HERC6: variants seen among roughly 807,000 people sequenced by gnomAD.
HERC6 encodes probable E3 ubiquitin-protein ligase HERC6.
In HERC6, 101 loss-of-function variants were observed where a neutral mutation model predicts 114.5. The observed-to-expected ratio is 0.88, with a 90% CI of 0.75 to 1.04. HERC6 has a LOEUF of 1.04. HERC6 is among the 50% of genes least tolerant of loss of function. The pLI, the probability that HERC6 is intolerant of heterozygous loss-of-function variation, is 0.00. For synonymous variants in HERC6, 408 were observed against 436.2 expected, an observed-to-expected ratio of 0.94 and a Z score of 0.81; for missense variants, 1,133 against 1,230.9, an observed-to-expected ratio of 0.92 and a Z score of 1.19.
chr4:88,442,073 C>T (rs906146808), intron 22 of HERC6, among the ~76,000 whole-genome samples, 161 bp from the exon 23 acceptor site: 3 of 152,188 alleles, frequency 2.0e-5, no homozygotes, highest in Non-Finnish European at 4.4e-5. Flanking sequence ...AGGACAAAGA[C>T]CAAATGTCAT....
intron 12 of HERC6, among the ~76,000 whole-genome samples, chr4:88,415,520 C>A (rs907194661): frequency 2.6e-5 from 4 of 152,174 alleles, no homozygotes; most frequent in Non-Finnish European, 4.4e-5. Context: ...AGTTGGGAAA[C>A]CTGTCCGTAC....
Position 88,442,351 on chromosome 4 carries a change from ATAT to A in HERC6, c.2962_2964del (p.Ile988del). On this transcript the variant is annotated inframe_deletion, in exon 23 of 23. Coordinates refer to ENST00000264346, the MANE Select transcript of HERC6 (RefSeq NM_017912.4). Reference sequence around the variant, plus strand: ...CACCCAACATCAATAACTTGTCATAATATTCTCTCCCTCCCTAAGTATTCTACA... The same window carrying A: ...CACCCAACATCAATAACTTGTCATAATCTCTCCCTCCCTAAGTATTCTACA... 1 of 1,613,826 alleles carries A rather than the reference ATAT, an allele frequency of 6.2e-7. No individual in the cohort carries two copies. The highest frequency in any genetic ancestry group is 8.5e-7 in the Non-Finnish European group (1 of 1,179,808).
At chr4:88,422,267 A>G (rs1737143904) in intron 13 of HERC6, among the ~76,000 whole-genome samples, 1 of 152,208 alleles carries the variant, frequency 6.6e-6, no homozygotes, top group Non-Finnish European at 1.5e-5. Context: ...GTATAGAATC[A>G]TATAACTTGA....
rs932320637 is a variant in HERC6, at chr4:88,378,900, G to A, written c.-22G>A. The stretch of plus-strand genomic sequence containing the variant: ...AGCGGGACCGACGGAATCCGGAGCA[G>A]GCGACAGGGCGCAGAAGCGGGATGT... On this transcript the variant is annotated 5_prime_UTR_variant, in exon 1 of 23. Transcript: ENST00000264346. 1 of 1,562,696 alleles carries A rather than the reference G, an allele frequency of 6.4e-7. No individual in the cohort carries two copies. The highest frequency in any genetic ancestry group is 8.7e-7 in the Non-Finnish European group (1 of 1,154,456).
chr4:88,397,025 A>G (rs756330539), intron 7 of HERC6, 38 bp downstream of exon 7: 43 of 1,583,618 alleles, frequency 2.7e-5, no homozygotes, highest in Non-Finnish European at 3.1e-5. Context: ...GTGTTCATCA[A>G]TGCCACTGGA....
chr4:88,398,482 C>T (rs1022690258), intron 8 of HERC6: 21 of 268,526 alleles, frequency 7.8e-5, no homozygotes, highest in Non-Finnish European at 1.2e-4. Flanking sequence ...TGTAAATGCA[C>T]ATACACATGT....
chr4:88,435,071 C>T (rs182572412), intron 17 of HERC6, among the ~76,000 whole-genome samples: 1 of 152,258 alleles, frequency 6.6e-6, no homozygotes, highest in East Asian at 1.9e-4. Context: ...GGAATTGAAT[C>T]CCAAAATTTT....
In HERC6 at chr4:88,440,043, A is replaced by G. The variant is rs749765517; in HGVS notation, c.2725A>G (p.Lys909Glu). 1.2e-6 allele frequency: 2 copies of G among 1,610,490 alleles called. No homozygotes were observed. Among genetic ancestry groups the G allele is most frequent in the African/African-American group, 1.3e-5 (1 of 74,712 alleles). Residue 909 changes from lysine (K) to glutamate (E), a missense_variant, in exon 21 of 23, where the codon AAA becomes GAA. By Grantham distance (56) the Lys-to-Glu change is moderately conservative (BLOSUM62 1). This residue lies in a region of HERC6 where 388 missense variants were observed against 445.9 expected (regional missense o/e 0.87). Transcript: ENST00000264346. Reference protein sequence around the residue: ...AIIGNTDYDWKQFEQNSKYEQ... With the variant: ...AIIGNTDYDWEQFEQNSKYEQ... ...CATTGGAAATACTGATTATGACTGG[A>G]AACAGTTTGAACAGGTAGGTGATAC...
chr4:88,408,515 T>C lies in HERC6; in HGVS notation c.1275-9T>C. On this transcript the variant is annotated splice_polypyrimidine_tract_variant and intron_variant, in intron 10 of 22. Transcript: ENST00000264346. ...TTTATGTGGTTTCTTGCATTTCTTGTATCCAAAGAGGAACTGGAGAAACGA... is the reference window on the plus strand; with the variant it reads ...TTTATGTGGTTTCTTGCATTTCTTGCATCCAAAGAGGAACTGGAGAAACGA... The C allele has an allele frequency of 6.4e-7, 1 of 1,553,802 alleles. No individual in the cohort carries two copies. Among genetic ancestry groups the C allele is most frequent in the East Asian group, 2.3e-5 (1 of 44,172 alleles).
At chr4:88,428,521 A>G in intron 15 of HERC6, 59 bp from the exon 16 acceptor site, 1 of 1,330,644 alleles carries the variant, frequency 7.5e-7, no homozygotes, top group Non-Finnish European at 1.0e-6. Context: ...GTATTAAACA[A>G]TCCTTGGGAT....
At chr4:88,414,017 A>C (rs776446385) in intron 12 of HERC6, among the ~76,000 whole-genome samples, 1 of 152,196 alleles carries the variant, frequency 6.6e-6, no homozygotes, top group East Asian at 1.9e-4. Context: ...CATGAAAGGC[A>C]ATTCTGTTCT....
rs144947113 is a variant in HERC6, at chr4:88,441,617, T to C, written c.2843-617T>C. ...ACTTCTCTCACCATCTCATCCCATT[T>C]GTCAGCTCTTCCTGAGTTACACATC... On this transcript the variant is annotated intron_variant, in intron 22 of 22. Coordinates refer to ENST00000264346, the MANE Select transcript of HERC6 (RefSeq NM_017912.4). 7.3e-3 allele frequency among the ~76,000 whole-genome samples: 1,110 copies of C among 152,334 alleles called. 10 individuals carry two copies. The highest frequency in any genetic ancestry group is 0.025 in the African/African-American group (1,027 of 41,576).
intron 11 of HERC6, among the ~76,000 whole-genome samples, chr4:88,410,000 G>A (rs1436491534): frequency 6.6e-6 from 1 of 152,166 alleles, no homozygotes; most frequent in African/African-American, 2.4e-5. Context: ...TCTGGTGAGG[G>A]CCCACTTCTT....
chr4:88,379,141 G>T (rs1431647952), intron 1 of HERC6, 21 bp downstream of exon 1: 6 of 1,529,258 alleles, frequency 3.9e-6, no homozygotes, highest in South Asian at 1.2e-5. Context: ...GGCCCCAGGT[G>T]CAGGGTGTGA....
chr4:88,412,426 T>C (rs1362096754), intron 11 of HERC6, among the ~76,000 whole-genome samples: 1 of 152,092 alleles, frequency 6.6e-6, no homozygotes, highest in Non-Finnish European at 1.5e-5. Flanking sequence ...GGCAACATAG[T>C]GAGACTCCAT....
chr4:88,428,490 T>C (rs561638891), intron 15 of HERC6, 90 bp from the exon 16 acceptor site: 1 of 976,874 alleles, frequency 1.0e-6, no homozygotes, highest in Non-Finnish European at 1.5e-6. Context: ...AAGTATATAC[T>C]ACACAAAATG....
At chr4:88,394,584 G>A (rs550004815) in intron 5 of HERC6, among the ~76,000 whole-genome samples, 65 of 149,684 alleles carry the variant, frequency 4.3e-4, no homozygotes, top group African/African-American at 1.3e-3. Context: ...TCGCTCAGTC[G>A]CCCAGGCTGG....
chr4:88,442,574 G>T lies in HERC6; in HGVS notation c.*114G>T. 3.7e-6 allele frequency: 3 copies of T among 820,786 alleles called. No individual in the cohort carries two copies. Among genetic ancestry groups the T allele is most frequent in the Non-Finnish European group, 5.9e-6 (3 of 507,488 alleles). The allele number at this position is 820,786 out of a possible 1,614,324, so 50.8% of individuals were successfully genotyped here. A position where few individuals can be genotyped will look rare whatever the true frequency, so the allele number is the denominator to read the frequency against. On this transcript the variant is annotated 3_prime_UTR_variant, in exon 23 of 23. Transcript: ENST00000264346. ...AGTGGTTAGAAGTAGTTGAGGGAGA[G>T]ATTGGGGGAATGGGGAGATGATGAT...
In HERC6 at chr4:88,378,955, C is replaced by A; in HGVS notation, c.34C>A (p.Leu12Met). The A allele has an allele frequency of 6.3e-7, 1 of 1,595,146 alleles. No individual in the cohort carries two copies. Among genetic ancestry groups the A allele is most frequent in the South Asian group, 1.1e-5 (1 of 88,038 alleles). ...CTGTTGGGGCGCCGACTCCAGGGAG[C>A]TGCAGCGCCGGAGGACGGCGGGCAG... ...YFCWGADSRE[L>M]QRRRTAGSPG... The change falls in exon 1 of 23, where the codon CTG becomes ATG. Residue 12 changes from leucine to methionine, a missense_variant. By Grantham distance (15) the Leu-to-Met change is conservative. Around this residue, in one of 3 missense-constraint regions of HERC6, gnomAD observed 735 missense variants for 754.0 expected, o/e 0.97. Transcript: ENST00000264346.
Sources: allele counts gnomAD v4.1 joint callset (sites outside exome capture counted in the v4.1 genomes callset), GRCh38; gene constraint gnomAD v4.1.1; regional missense constraint gnomAD v4.1.1; transcripts MANE v1.5; gene names NCBI Gene and HGNC (gene_info 2026-07-23, HGNC 2026-07-21).